VAV1: variants seen among roughly 807,000 people sequenced by gnomAD.
The protein encoded by VAV1 is vav guanine nucleotide exchange factor 1, also known as proto-oncogene vav.
Under a neutral mutation model 128.1 loss-of-function variants are expected in VAV1, and 33 were observed. The observed-to-expected ratio is 0.26, with a 90% CI of 0.20 to 0.34. VAV1 has a LOEUF of 0.34. Among genes scored for constraint, VAV1 ranks in the 10% least tolerant of loss-of-function variants. The pLI, the probability that VAV1 is intolerant of heterozygous loss-of-function variation, is 1.00. For missense variants in VAV1, 715 were observed against 1,093.7 expected, an observed-to-expected ratio of 0.65 and a Z score of 4.88; for synonymous variants, 394 against 409.8, an observed-to-expected ratio of 0.96 and a Z score of 0.47.
chr19:6,835,348 C>G (rs1378765679), intron 19 of VAV1, among the ~76,000 whole-genome samples: 1 of 151,968 alleles, frequency 6.6e-6, no homozygotes, highest in East Asian at 1.9e-4. Flanking sequence ...AACCAACAAT[C>G]AAATAAAAAT....
At chr19:6,806,828 T>C (rs1438057898) in intron 1 of VAV1, among the ~76,000 whole-genome samples, 4 of 152,242 alleles carry the variant, frequency 2.6e-5, no homozygotes, top group Non-Finnish European at 5.9e-5. Flanking sequence ...GTGTGCATAA[T>C]TAGTTAATGA....
intron 22 of VAV1, among the ~76,000 whole-genome samples, chr19:6,844,860 AT>A (rs1005928438): frequency 6.6e-6 from 1 of 152,110 alleles, no homozygotes; most frequent in Non-Finnish European, 1.5e-5. Context: ...ATTAAAAAAA[AT>A]CAAAAACAAG....
At chr19:6,836,874 A>ACACACG (rs1555704926) in intron 20 of VAV1, 111 bp from the exon 21 acceptor site, 10 of 594,660 alleles carry the variant, frequency 1.7e-5, no homozygotes, top group Middle Eastern at 3.3e-4. Flanking sequence ...ACACACACAC[A>ACACACG]CACACGAGTG....
chr19:6,850,602 A>G (rs2144828523), intron 23 of VAV1, 68 bp from the exon 24 acceptor site: 2 of 1,523,528 alleles, frequency 1.3e-6, no homozygotes, highest in East Asian at 4.5e-5. Flanking sequence ...TGCTTCCTCC[A>G]TAACTGGGGC....
chr19:6,852,744 A>C (rs1368487482), intron 24 of VAV1, among the ~76,000 whole-genome samples: 2 of 151,622 alleles, frequency 1.3e-5, no homozygotes, highest in African/African-American at 4.9e-5. Flanking sequence ...AAAGAAAGAA[A>C]GAACCTGTTT....
At chr19:6,781,086 G>A (rs1970758620) in intron 1 of VAV1, among the ~76,000 whole-genome samples, 1 of 149,440 alleles carries the variant, frequency 6.7e-6, no homozygotes, top group Admixed American at 6.7e-5. Flanking sequence ...TTTTAAAGTA[G>A]AGATGGGGGT....
At position 6,772,759 on chromosome 19, in the gene VAV1, G is replaced by A; in HGVS notation, c.-49G>A. The stretch of plus-strand genomic sequence containing the variant: ...GCAGGGCAGGCGTGCGGGCGGGTGG[G>A]TGGTGGAGGCTGCGAGGGTGCACGG... On this transcript the variant is annotated 5_prime_UTR_variant, in exon 1 of 27. In the 5' UTR this introduces an upstream ATG that the reference lacks. Transcript: ENST00000602142. The surrounding 1 kb of genome is among the most constrained non-coding windows in gnomAD (Gnocchi z 4.8). The A allele has an allele frequency of 6.3e-7, 1 of 1,583,112 alleles. No individual in the cohort carries two copies. The highest frequency in any genetic ancestry group is 2.3e-5 in the East Asian group (1 of 44,320).
rs905538549 is a variant in VAV1, at chr19:6,800,173, C to A, written c.205-20529C>A. ...ATAAGAAGAAAATGTACCAACTTTT[C>A]TTCCTTTGTGCTGGAATTGCAAGGT... On this transcript the variant is annotated intron_variant, in intron 1 of 26. Transcript: ENST00000602142. Among the ~76,000 whole-genome samples, 68 of 151,738 alleles carry A rather than the reference C, an allele frequency of 4.5e-4. 1 individual carries two copies. Among genetic ancestry groups the A allele is most frequent in the African/African-American group, 1.6e-3 (68 of 41,276 alleles).
intron 1 of VAV1, among the ~76,000 whole-genome samples, chr19:6,776,237 T>TATCC (rs1186230050): frequency 7.4e-5 from 8 of 107,908 alleles, no homozygotes; most frequent in Admixed American, 1.9e-4. Context: ...TCCACTCATC[T>TATCC]ATCCATCCAT....
At position 6,832,054 on chromosome 19, in the gene VAV1, G is replaced by T. The variant is rs370181480; in HGVS notation, c.1399-37G>T. The T allele has an allele frequency of 9.5e-4, 1,516 of 1,600,446 alleles. 6 individuals are homozygous for T. The highest frequency in any genetic ancestry group is 7.8e-3 in the Middle Eastern group (44 of 5,616). On this transcript the variant is annotated intron_variant, in intron 14 of 26. Transcript: ENST00000602142. Reference sequence around the variant, plus strand: ...GGGTGTGTGCTCCCACCCTCTGCGGGGGCAGTGCCTTCAGTCTGAGCTCTG... The same window carrying T: ...GGGTGTGTGCTCCCACCCTCTGCGGTGGCAGTGCCTTCAGTCTGAGCTCTG...
chr19:6,811,255 C>T (rs1002621503), intron 1 of VAV1, among the ~76,000 whole-genome samples: 3 of 152,138 alleles, frequency 2.0e-5, no homozygotes, highest in East Asian at 3.8e-4. Flanking sequence ...AGGCTGGTCT[C>T]GAACTCCTGA....
chr19:6,845,702 A>G (rs965567832), intron 22 of VAV1, among the ~76,000 whole-genome samples: 2 of 149,228 alleles, frequency 1.3e-5, no homozygotes, highest in African/African-American at 4.9e-5. Flanking sequence ...TTATGTTTAT[A>G]TTATATTATA....
intron 1 of VAV1, among the ~76,000 whole-genome samples, chr19:6,802,776 G>T (rs1466000972): frequency 1.3e-5 from 2 of 152,134 alleles, no homozygotes; most frequent in African/African-American, 2.4e-5. Context: ...CTGGTATCTG[G>T]TTCTCCATTC....
rs1971968241 is a variant in VAV1 at position 6,828,329 on chromosome 19, G to A, written c.1024-90G>A. 6.4e-7 allele frequency: 1 copy of A among 1,563,498 alleles called. No homozygotes were observed. Among genetic ancestry groups the A allele is most frequent in the African/African-American group, 1.4e-5 (1 of 73,850 alleles). On this transcript the variant is annotated intron_variant, in intron 10 of 26. Coordinates refer to ENST00000602142, the MANE Select transcript of VAV1 (RefSeq NM_005428.4). This position sits in a 1 kb window ranked among gnomAD's most constrained non-coding sequence, Gnocchi z 4.5. Reference sequence around the variant, plus strand: ...CCTCCAGGGTCAGCAGTACGATGGAGGAGCTGGTGAGCTAGCATTGTTTGG... The same window carrying A: ...CCTCCAGGGTCAGCAGTACGATGGAAGAGCTGGTGAGCTAGCATTGTTTGG...
At chr19:6,848,592 G>A (rs1444723622) in intron 23 of VAV1, among the ~76,000 whole-genome samples, 13 of 151,670 alleles carry the variant, frequency 8.6e-5, no homozygotes, top group African/African-American at 1.9e-4. Flanking sequence ...TAGTAGATAC[G>A]GGGTTTCTCC....
chr19:6,810,576 G>A (rs1322903073), intron 1 of VAV1, among the ~76,000 whole-genome samples: 1 of 151,948 alleles, frequency 6.6e-6, no homozygotes, highest in Non-Finnish European at 1.5e-5. Flanking sequence ...GTGGTGGCGG[G>A]CGCCTGTAAT....
intron 1 of VAV1, among the ~76,000 whole-genome samples, chr19:6,803,222 C>T (rs1971313044): frequency 1.3e-5 from 2 of 152,364 alleles, no homozygotes; most frequent in African/African-American, 2.4e-5. Context: ...GGCTACCCCA[C>T]AGGCTGTGAG....
At chr19:6,833,467 G>C in intron 16 of VAV1, 61 bp from the exon 17 acceptor site, 6 of 1,499,848 alleles carry the variant, frequency 4.0e-6, no homozygotes, top group Non-Finnish European at 5.4e-6. Flanking sequence ...GTTTTTAGCA[G>C]AATATTTGGC....
chr19:6,802,522 C>A (rs963075485), intron 1 of VAV1, among the ~76,000 whole-genome samples: 2 of 152,156 alleles, frequency 1.3e-5, no homozygotes, highest in Middle Eastern at 6.8e-3. Context: ...CCCCTTTCCC[C>A]TCTTTGAGGC....
Sources: allele counts gnomAD v4.1 joint callset (sites outside exome capture counted in the v4.1 genomes callset), GRCh38; gene constraint gnomAD v4.1.1; non-coding constraint Gnocchi (gnomAD v3.1); transcripts MANE v1.5; gene names NCBI Gene and HGNC (gene_info 2026-07-23, HGNC 2026-07-21).